Variants in SLC9A9 observed in about 807,000 individuals in gnomAD.
The protein encoded by SLC9A9 is sodium/hydrogen exchanger 9.
Under a neutral mutation model 77.8 loss-of-function variants are expected in SLC9A9, and 62 were observed. The ratio of observed to expected loss-of-function variants is 0.80; its 90% CI spans 0.65 to 0.98. The LOEUF (loss-of-function observed/expected upper bound fraction) is 0.98. Ranked by LOEUF, SLC9A9 falls within the 50% of genes least tolerant of loss-of-function variation. The pLI, the probability that SLC9A9 is intolerant of heterozygous loss-of-function variation, is 0.00. For missense variants in SLC9A9, 775 were observed against 774.9 expected, an observed-to-expected ratio of 1.00 and a Z score of 0.00; for synonymous variants, 320 against 283.5, an observed-to-expected ratio of 1.13 and a Z score of -1.29.
chr3:143,804,059 T>C (rs1333132445), intron 2 of SLC9A9, among the ~76,000 whole-genome samples: 1 of 152,120 alleles, frequency 6.6e-6, no homozygotes, highest in Non-Finnish European at 1.5e-5. Context: ...GCCGCTCCTT[T>C]ACGTATCTCT....
intron 4 of SLC9A9, among the ~76,000 whole-genome samples, chr3:143,694,382 C>T (rs765323419): frequency 2.6e-5 from 4 of 152,040 alleles, no homozygotes; most frequent in Non-Finnish European, 4.4e-5. Context: ...CCTGAATATC[C>T]ATGAGGTAGG....
intron 12 of SLC9A9, among the ~76,000 whole-genome samples, chr3:143,431,348 T>C (rs984663074): frequency 6.6e-6 from 1 of 152,208 alleles, no homozygotes; most frequent in Non-Finnish European, 1.5e-5. Context: ...CCTGCAGTCA[T>C]CTCTTAATTC....
intron 12 of SLC9A9, among the ~76,000 whole-genome samples, chr3:143,397,999 T>C (rs925264508): frequency 6.6e-6 from 1 of 152,172 alleles, no homozygotes; most frequent in African/African-American, 2.4e-5. Flanking sequence ...TTGGAAAGAA[T>C]CCTTAGAAGG....
At chr3:143,695,287 C>T (rs1379949436) in intron 4 of SLC9A9, among the ~76,000 whole-genome samples, 1 of 152,088 alleles carries the variant, frequency 6.6e-6, no homozygotes, top group Non-Finnish European at 1.5e-5. Flanking sequence ...CTGCACCCAT[C>T]AACCTGTCAT....
chr3:143,509,291 A>C (rs1480618814), intron 9 of SLC9A9, among the ~76,000 whole-genome samples: 1 of 152,228 alleles, frequency 6.6e-6, no homozygotes, highest in Non-Finnish European at 1.5e-5. Context: ...CATGGCTATA[A>C]ATAAATCAAT....
chr3:143,438,332 A>G (rs1194910127), intron 12 of SLC9A9, among the ~76,000 whole-genome samples: 1 of 152,212 alleles, frequency 6.6e-6, no homozygotes, highest in Non-Finnish European at 1.5e-5. Context: ...CCCCTCAAAG[A>G]GCAGCATAGG....
In SLC9A9 at chr3:143,832,049, A is replaced by T; in HGVS notation, c.348T>A (p.Asn116Lys). Reference sequence around the variant, plus strand: ...CAAGTATAGCATTTCCTTGATGAGGATTGATGTTGTGCTGACTTATTTCTC... The same window carrying T: ...CAAGTATAGCATTTCCTTGATGAGGTTTGATGTTGTGCTGACTTATTTCTC... ...YKREISQHNINPHQGNAILEK... is the reference protein window; with the variant it reads ...YKREISQHNIKPHQGNAILEK... The change falls in exon 2 of 16, where the codon AAT (asparagine) becomes AAA (lysine). Residue 116 changes from asparagine to lysine, a missense_variant. Asn to Lys is a moderately conservative substitution (Grantham distance 94, BLOSUM62 0). Transcript: ENST00000316549. The T allele has an allele frequency of 6.2e-7, 1 of 1,612,808 alleles. No homozygotes were observed. The highest frequency in any genetic ancestry group is 8.5e-7 in the Non-Finnish European group (1 of 1,179,330).
chr3:143,542,599 G>A (rs1006585376), intron 9 of SLC9A9, among the ~76,000 whole-genome samples: 2 of 152,124 alleles, frequency 1.3e-5, no homozygotes, highest in African/African-American at 4.8e-5. Flanking sequence ...GCAAGTAATG[G>A]AATTGTACTT....
At chr3:143,652,149 G>T (rs907216312) in intron 6 of SLC9A9, 106 bp downstream of exon 6, 20 of 924,242 alleles carry the variant, frequency 2.2e-5, no homozygotes, top group Middle Eastern at 3.2e-4. Context: ...ACAATTCCTT[G>T]AAAAAAGCTA....
intron 9 of SLC9A9, among the ~76,000 whole-genome samples, chr3:143,533,060 AC>A (rs1225256861): frequency 1.3e-5 from 2 of 152,222 alleles, no homozygotes; most frequent in Non-Finnish European, 2.9e-5. Context: ...GGAGGTTTTC[AC>A]TAACTGCCCA....
At chr3:143,466,989 C>T (rs191515657) in intron 12 of SLC9A9, 48 bp downstream of exon 12, 222 of 1,594,638 alleles carry the variant, frequency 1.4e-4, no homozygotes, top group Non-Finnish European at 1.8e-4. Context: ...AATTGAACAG[C>T]GCAGCCATGC....
chr3:143,291,421 CT>C (rs1167278477), intron 14 of SLC9A9, among the ~76,000 whole-genome samples: 2 of 152,216 alleles, frequency 1.3e-5, no homozygotes, highest in Non-Finnish European at 2.9e-5. Context: ...AGGGTTTATT[CT>C]GAGTAGGACC....
At chr3:143,319,494 C>T (rs897577683) in intron 14 of SLC9A9, among the ~76,000 whole-genome samples, 4 of 152,176 alleles carry the variant, frequency 2.6e-5, no homozygotes, top group Admixed American at 6.5e-5. Flanking sequence ...GAGAAAAAGA[C>T]GCTGCCTCAC....
At chr3:143,296,079 C>T (rs1300037153) in intron 14 of SLC9A9, among the ~76,000 whole-genome samples, 1 of 152,172 alleles carries the variant, frequency 6.6e-6, no homozygotes, top group Non-Finnish European at 1.5e-5. Flanking sequence ...GGATTCTTAA[C>T]AGGAGGCCTA....
chr3:143,280,542 A>ATTT (rs58879877), intron 14 of SLC9A9, among the ~76,000 whole-genome samples: 73 of 118,096 alleles, frequency 6.2e-4, no homozygotes, highest in East Asian at 9.5e-4. Context: ...CTAGAACTAC[A>ATTT]TTTTTTTTTT....
chr3:143,526,285 A>G (rs1167366585), intron 9 of SLC9A9, among the ~76,000 whole-genome samples: 2 of 152,188 alleles, frequency 1.3e-5, no homozygotes, highest in East Asian at 1.9e-4. Flanking sequence ...GAAGGGAGCC[A>G]TCTGCGTCTC....
chr3:143,596,636 T>C (rs2037757006), intron 6 of SLC9A9, among the ~76,000 whole-genome samples: 1 of 152,116 alleles, frequency 6.6e-6, no homozygotes, highest in Middle Eastern at 3.2e-3. Context: ...AAATGCAGGG[T>C]TTCTCCCTAC....
chr3:143,401,139 G>T (rs2033846882), intron 12 of SLC9A9, among the ~76,000 whole-genome samples: 1 of 152,124 alleles, frequency 6.6e-6, no homozygotes, highest in Non-Finnish European at 1.5e-5. Flanking sequence ...TAGCCAATAG[G>T]AAGTACTGGC....
At chr3:143,517,256 G>T (rs184438020) in intron 9 of SLC9A9, 23 of 1,281,244 alleles carry the variant, frequency 1.8e-5, no homozygotes, top group South Asian at 1.5e-4. Flanking sequence ...ATCCTGCATG[G>T]CGGCAAGAAC....
Sources: gnomAD v4.1 joint callset for allele counts (sites outside exome capture counted in the v4.1 genomes callset) on GRCh38, gnomAD v4.1.1 for gene constraint, MANE v1.5 for transcripts, NCBI Gene and HGNC (gene_info 2026-07-23, HGNC 2026-07-21) for gene names.